Variants in AK5 observed in about 807,000 individuals in gnomAD.
The protein encoded by AK5 is adenylate kinase isoenzyme 5.
A neutral mutation model predicts 69.5 loss-of-function variants in AK5; 27 were observed. The observed-to-expected ratio is 0.39, with a 90% confidence interval of 0.29 to 0.54. The LOEUF is 0.54. Among genes scored for constraint, AK5 ranks in the 20% least tolerant of loss-of-function variants. The probability of loss-of-function intolerance (pLI) is 0.71; values close to 1 mark genes in which losing one functional copy is unlikely to be tolerated. For synonymous variants in AK5, 260 were observed against 244.4 expected (o/e 1.06, Z -0.60); for missense variants, 531 against 700.4 (o/e 0.76, Z 2.73).
At chr1:77,447,984 T>C (rs996820366) in intron 8 of AK5, among the ~76,000 whole-genome samples, 15 of 152,174 alleles carry the variant, frequency 9.9e-5, no homozygotes, top group Non-Finnish European at 1.6e-4. Context: ...AAGTTACCAT[T>C]GTCTAACCAT....
At chr1:77,301,250 T>A (rs1013847787) in intron 5 of AK5, among the ~76,000 whole-genome samples, 3 of 152,200 alleles carry the variant, frequency 2.0e-5, no homozygotes, top group African/African-American at 7.2e-5. Context: ...TAGGACACTG[T>A]CACTGGCCGC....
intron 8 of AK5, among the ~76,000 whole-genome samples, chr1:77,449,520 C>T (rs2100654416): frequency 6.6e-6 from 1 of 152,262 alleles, no homozygotes; most frequent in African/African-American, 2.4e-5. Flanking sequence ...AAGGGACTTG[C>T]CTTGTCTCAG....
At chr1:77,411,610 C>T (rs987163746) in intron 7 of AK5, among the ~76,000 whole-genome samples, 1 of 152,060 alleles carries the variant, frequency 6.6e-6, no homozygotes, top group Admixed American at 6.6e-5. Context: ...CTGTCCTGAC[C>T]CCCCTCTCAT....
At chr1:77,418,051 G>A (rs1650546315) in intron 8 of AK5, among the ~76,000 whole-genome samples, 1 of 152,154 alleles carries the variant, frequency 6.6e-6, no homozygotes, top group Non-Finnish European at 1.5e-5. Flanking sequence ...CTGAGCATCA[G>A]CTACAGGTTC....
intron 6 of AK5, among the ~76,000 whole-genome samples, chr1:77,404,315 C>T (rs1047591643): frequency 1.3e-5 from 2 of 152,122 alleles, no homozygotes; most frequent in African/African-American, 2.4e-5. Flanking sequence ...TGGCAAGTAG[C>T]CCCCTGACCC....
At chr1:77,337,471 C>G (rs953434193) in intron 5 of AK5, among the ~76,000 whole-genome samples, 7 of 152,016 alleles carry the variant, frequency 4.6e-5, no homozygotes, top group Non-Finnish European at 8.8e-5. Context: ...CACAATATAT[C>G]ATTTTATTTG....
chr1:77,526,439 T>C (rs1336438919), intron 12 of AK5, among the ~76,000 whole-genome samples: 2 of 151,412 alleles, frequency 1.3e-5, no homozygotes, highest in Non-Finnish European at 2.9e-5. Flanking sequence ...GTCCTGCGCA[T>C]GTTTGGAAGC....
At chr1:77,405,778 C>A (rs1368646275) in intron 6 of AK5, among the ~76,000 whole-genome samples, 2 of 152,164 alleles carry the variant, frequency 1.3e-5, no homozygotes, top group African/African-American at 4.8e-5. Flanking sequence ...CTCCCTCCCC[C>A]TACCAGACTG....
At position 77,337,962 on chromosome 1, in the gene AK5, T is replaced by TTTC. The variant is rs1337317947; in HGVS notation, c.700-2413_700-2412insCTT. On this transcript the variant is annotated intron_variant, in intron 5 of 13. Transcript: ENST00000354567. ...CGAGACATCTGAACAATGTTTTCTT[T>TTTC]TTATTTTTTTTTTTTTTTTGAGACA... Among the ~76,000 whole-genome samples, 496 of 122,434 alleles carry TTTC rather than the reference T, an allele frequency of 4.1e-3. 24 individuals are homozygous for TTTC. Among genetic ancestry groups the TTTC allele is most frequent in the African/African-American group, 7.2e-3 (243 of 33,648 alleles). 80.3% of individuals were successfully genotyped at this position (122,434 alleles called of 152,430 possible).
chr1:77,531,179 C>T (rs565477713), intron 12 of AK5, among the ~76,000 whole-genome samples: 4 of 152,254 alleles, frequency 2.6e-5, no homozygotes, highest in Admixed American at 1.3e-4. Flanking sequence ...TTCGTGGTCT[C>T]GCTGGCTCAG....
At chr1:77,368,598 C>G (rs867607926) in intron 6 of AK5, among the ~76,000 whole-genome samples, 2 of 151,592 alleles carry the variant, frequency 1.3e-5, no homozygotes, top group African/African-American at 4.8e-5. Context: ...ACACATAGGA[C>G]TTAATGGTAA....
chr1:77,442,455 AG>A (rs2100638601), intron 8 of AK5, among the ~76,000 whole-genome samples: 1 of 152,262 alleles, frequency 6.6e-6, no homozygotes, highest in East Asian at 1.9e-4. Flanking sequence ...TAGGTATCCA[AG>A]GTGCTGACAG....
rs992159997 is a variant in AK5, at chr1:77,487,053, C to T, written c.1147+701C>T. ...TCAATAGCCAGATCCTGATTCTATA[C>T]AGCAAACAGTAAAAACTATCTAATT... On this transcript the variant is annotated intron_variant, in intron 10 of 13. Transcript: ENST00000354567. 2.6e-5 allele frequency among the ~76,000 whole-genome samples: 4 copies of T among 152,312 alleles called. 1 individual carries two copies.
chr1:77,403,791 A>G (rs970115127), intron 6 of AK5, among the ~76,000 whole-genome samples: 3 of 151,996 alleles, frequency 2.0e-5, no homozygotes, highest in Non-Finnish European at 2.9e-5. Flanking sequence ...CTCTTTTTTG[A>G]TTCCATATGA....
chr1:77,284,952 TA>T (rs35474678), intron 1 of AK5, among the ~76,000 whole-genome samples: 23,275 of 152,218 alleles, frequency 0.15, 2,111 homozygotes, highest in Non-Finnish European at 0.2. Context: ...ATAGTAGGGA[TA>T]AAAAGAGGGC....
chr1:77,519,106 T>C (rs1337943322), intron 11 of AK5, among the ~76,000 whole-genome samples: 2 of 152,252 alleles, frequency 1.3e-5, no homozygotes, highest in African/African-American at 4.8e-5. Context: ...GGTTTAGTTC[T>C]GGGAGGTATG....
chr1:77,554,746 C>G (rs1432156699), intron 13 of AK5, among the ~76,000 whole-genome samples: 1 of 150,726 alleles, frequency 6.6e-6, no homozygotes, highest in African/African-American at 2.4e-5. Flanking sequence ...GCTGGGACTA[C>G]AGGCGCCCGC....
intron 10 of AK5, among the ~76,000 whole-genome samples, chr1:77,486,663 A>C (rs988607672): frequency 3.3e-5 from 5 of 150,754 alleles, no homozygotes; most frequent in African/African-American, 1.2e-4. Flanking sequence ...GCGCCACTGC[A>C]CTCCACCTGG....
chr1:77,407,096 A>T (rs1649709832), intron 6 of AK5, among the ~76,000 whole-genome samples: 1 of 130,032 alleles, frequency 7.7e-6, no homozygotes, highest in Admixed American at 7.7e-5. Flanking sequence ...AAAAAAAAAA[A>T]TCAACTGAAA....
Sources: allele counts gnomAD v4.1 joint callset (sites outside exome capture counted in the v4.1 genomes callset), GRCh38; gene constraint gnomAD v4.1.1; transcripts MANE v1.5; gene names NCBI Gene and HGNC (gene_info 2026-07-23, HGNC 2026-07-21).